Variants in KCNAB1 observed in about 807,000 individuals in gnomAD.
KCNAB1 encodes potassium voltage-gated channel subfamily A regulatory beta subunit 1.
KCNAB1 carries 35 observed loss-of-function variants against 64.6 expected under a neutral mutation model. The ratio of observed to expected loss-of-function variants is 0.54; its 90% CI spans 0.41 to 0.72. The LOEUF (loss-of-function observed/expected upper bound fraction) is 0.72. Among genes scored for constraint, KCNAB1 ranks in the 30% least tolerant of loss-of-function variants. The pLI, the probability that KCNAB1 is intolerant of heterozygous loss-of-function variation, is 0.00. For missense variants in KCNAB1, 401 were observed against 512.9 expected (o/e 0.78, Z 2.11); for synonymous variants, 177 against 183.8 (o/e 0.96, Z 0.30).
chr3:156,177,600 A>G (rs891680961), intron 1 of KCNAB1, among the ~76,000 whole-genome samples: 2 of 151,828 alleles, frequency 1.3e-5, no homozygotes, highest in South Asian at 2.1e-4. Context: ...GATGGTCTCG[A>G]TCTCCTGACC....
In KCNAB1 at chr3:156,526,119, A is replaced by G. The variant is rs553551936; in HGVS notation, c.1081+2172A>G. Among the ~76,000 whole-genome samples, 45 of 152,278 alleles carry G rather than the reference A, an allele frequency of 3.0e-4. No individual in the cohort carries two copies. In the South Asian group the frequency reaches 5.4e-3, roughly 18 times the overall value. The stretch of plus-strand genomic sequence containing the variant: ...TTTCTATGTTTAGATACACAACACC[A>G]TGTGTTACAGCCGCCTATAGTATTC... On this transcript the variant is annotated intron_variant, in intron 12 of 13. Transcript: ENST00000490337.
chr3:156,360,172 A>G (rs1483280537), intron 1 of KCNAB1, among the ~76,000 whole-genome samples: 1 of 152,234 alleles, frequency 6.6e-6, no homozygotes, highest in African/African-American at 2.4e-5. Flanking sequence ...CATATTCAAA[A>G]ATTATGTAAA....
At position 156,196,427 on chromosome 3, in the gene KCNAB1, C is replaced by T. The variant is rs538940841; in HGVS notation, c.275+75541C>T. On this transcript the variant is annotated intron_variant, in intron 1 of 13. Coordinates refer to ENST00000490337, the MANE Select transcript of KCNAB1 (RefSeq NM_172160.3). The stretch of plus-strand genomic sequence containing the variant: ...TTTGGCCGTTTTCATGATATTGATT[C>T]TTCCTATCCATGAGCATGGAATGTT... 2.0e-5 allele frequency among the ~76,000 whole-genome samples: 3 copies of T among 152,258 alleles called. No homozygotes were observed. The East Asian group carries it at 5.8e-4, about 29-fold the overall frequency.
intron 1 of KCNAB1, among the ~76,000 whole-genome samples, chr3:156,150,605 G>A (rs999564283): frequency 5.9e-5 from 9 of 152,116 alleles, no homozygotes; most frequent in Middle Eastern, 3.2e-3. Context: ...GGCCAAAGAT[G>A]TTTTCACCCA....
chr3:156,391,692 T>C (rs1713054106), intron 1 of KCNAB1, among the ~76,000 whole-genome samples: 1 of 152,268 alleles, frequency 6.6e-6, no homozygotes, highest in East Asian at 1.9e-4. Flanking sequence ...AGAAAGATGA[T>C]TCTAACAGAA....
chr3:156,172,057 C>T (rs189682724), intron 1 of KCNAB1, among the ~76,000 whole-genome samples: 1 of 152,164 alleles, frequency 6.6e-6, no homozygotes, highest in East Asian at 1.9e-4. Context: ...GGCATTATGC[C>T]AAGAAAAATC....
At chr3:156,423,834 G>A (rs1412234947) in intron 2 of KCNAB1, among the ~76,000 whole-genome samples, 1 of 152,186 alleles carries the variant, frequency 6.6e-6, no homozygotes, top group East Asian at 1.9e-4. Flanking sequence ...AATGAGCCAG[G>A]AGCTAAAATG....
At chr3:156,436,832 G>A (rs1281677083) in intron 2 of KCNAB1, among the ~76,000 whole-genome samples, 2 of 152,182 alleles carry the variant, frequency 1.3e-5, no homozygotes, top group Non-Finnish European at 2.9e-5. Context: ...TTTGTCAAAT[G>A]GATAGATTGC....
chr3:156,536,388 GGCTT>G (rs1335078087), intron 13 of KCNAB1, among the ~76,000 whole-genome samples: 1 of 152,114 alleles, frequency 6.6e-6, no homozygotes, highest in Non-Finnish European at 1.5e-5. Context: ...TTACAAATGT[GGCTT>G]GCATTATATT....
intron 1 of KCNAB1, among the ~76,000 whole-genome samples, chr3:156,365,035 G>A (rs1342215685): frequency 6.6e-6 from 1 of 152,194 alleles, no homozygotes; most frequent in Admixed American, 6.5e-5. Context: ...ACGAAGTCTA[G>A]CATAGGTATT....
intron 1 of KCNAB1, among the ~76,000 whole-genome samples, chr3:156,338,121 T>C (rs950978038): frequency 1.3e-5 from 2 of 152,094 alleles, no homozygotes; most frequent in Admixed American, 1.3e-4. Flanking sequence ...AGGTACTGCC[T>C]GCTTCAAGGA....
intron 1 of KCNAB1, among the ~76,000 whole-genome samples, chr3:156,205,587 C>T (rs1714606377): frequency 6.6e-6 from 1 of 152,180 alleles, no homozygotes; most frequent in Admixed American, 6.5e-5. Flanking sequence ...CATTGGTTGT[C>T]AGGTCCGATC....
At chr3:156,281,242 G>C (rs1220305073) in intron 1 of KCNAB1, among the ~76,000 whole-genome samples, 2 of 150,552 alleles carry the variant, frequency 1.3e-5, no homozygotes, top group Non-Finnish European at 3.0e-5. Context: ...TTTGTCTTTG[G>C]CTCTGTTTAT....
chr3:156,459,988 T>G, intron 5 of KCNAB1, 117 bp downstream of exon 5: 1 of 687,332 alleles, frequency 1.5e-6, no homozygotes, highest in Admixed American at 2.8e-5. Context: ...CAACTGTTTT[T>G]AAAGCAATGA....
At chr3:156,350,506 CA>C (rs60606856) in intron 1 of KCNAB1, among the ~76,000 whole-genome samples, 16,629 of 98,810 alleles carry the variant, frequency 0.17, 794 homozygotes, top group Middle Eastern at 0.27. Flanking sequence ...GACCCTGTCT[CA>C]AAAAAAAAAA....
intron 1 of KCNAB1, chr3:156,175,964 G>T: frequency 9.9e-7 from 1 of 1,010,290 alleles, no homozygotes; most frequent in Non-Finnish European, 1.6e-6. Context: ...AGCTCATACA[G>T]TATTCTCCTG....
At chr3:156,317,027 T>G (rs1029292403) in intron 1 of KCNAB1, among the ~76,000 whole-genome samples, 1 of 152,218 alleles carries the variant, frequency 6.6e-6, no homozygotes, top group Admixed American at 6.5e-5. Flanking sequence ...GCATAAGTTC[T>G]CAATAAATGT....
chr3:156,172,354 A>G (rs1712057765), intron 1 of KCNAB1, among the ~76,000 whole-genome samples: 1 of 148,970 alleles, frequency 6.7e-6, no homozygotes, highest in Admixed American at 6.9e-5. Context: ...ATCTGAGCTC[A>G]CTGCAACCTC....
At chr3:156,314,777 C>A (rs560095584) in intron 1 of KCNAB1, among the ~76,000 whole-genome samples, 16 of 152,310 alleles carry the variant, frequency 1.1e-4, no homozygotes, top group Admixed American at 9.1e-4. Flanking sequence ...CTTTGGGAGG[C>A]CAAGGTGGGT....
Sources: allele counts gnomAD v4.1 joint callset (sites outside exome capture counted in the v4.1 genomes callset), GRCh38; gene constraint gnomAD v4.1.1; transcripts MANE v1.5; gene names NCBI Gene and HGNC (gene_info 2026-07-23, HGNC 2026-07-21).